Variants in CPED1 observed in about 807,000 individuals in gnomAD.
The protein encoded by CPED1 is cadherin-like and PC-esterase domain-containing protein 1.
Under a neutral mutation model 128.2 loss-of-function variants are expected in CPED1, and 114 were observed. The ratio of observed to expected loss-of-function variants is 0.89; its 90% CI spans 0.76 to 1.04. The LOEUF is 1.04. Among genes scored for constraint, CPED1 ranks in the 50% least tolerant of loss-of-function variants. The probability of loss-of-function intolerance (pLI) is 0.00; values close to 1 mark genes in which losing one functional copy is unlikely to be tolerated. For missense variants in CPED1, 1,211 were observed against 1,207.1 expected, an observed-to-expected ratio of 1.00 and a Z score of -0.05; for synonymous variants, 462 against 426.7, an observed-to-expected ratio of 1.08 and a Z score of -1.02.
chr7:121,199,698 A>AGG (rs1797350803), intron 16 of CPED1, among the ~76,000 whole-genome samples: 1 of 77,538 alleles, frequency 1.3e-5, no homozygotes, highest in Non-Finnish European at 2.9e-5. Context: ...AAAAAAAAAA[A>AGG]AAGAAAGAAA....
At chr7:121,186,036 C>T (rs529438376) in intron 16 of CPED1, among the ~76,000 whole-genome samples, 1 of 152,194 alleles carries the variant, frequency 6.6e-6, no homozygotes, top group Admixed American at 6.5e-5. Context: ...TAATTTTTTT[C>T]CACTGGCTAT....
chr7:121,099,985 T>G lies in CPED1; in HGVS notation c.809T>G (p.Val270Gly). ...ETIFRAEDLS[V>G]ILKAYVLVTS... ...ATCTTTCGAGCCGAAGATCTATCTG[T>G]GATTCTTAAAGCGTATGTGTTGGTG... The change falls in exon 7 of 23, where the codon GTG becomes GGG. Residue 270 changes from valine to glycine, a missense_variant. Coordinates refer to ENST00000310396, the MANE Select transcript of CPED1 (RefSeq NM_024913.5). 1 of 1,613,742 alleles carries G rather than the reference T, an allele frequency of 6.2e-7. No homozygotes were observed.
intron 17 of CPED1, among the ~76,000 whole-genome samples, chr7:121,238,842 C>T (rs1798321714): frequency 1.3e-5 from 2 of 151,860 alleles, no homozygotes; most frequent in South Asian, 4.2e-4. Flanking sequence ...AGATTATAGG[C>T]TTCTCTAGAG....
intron 4 of CPED1, among the ~76,000 whole-genome samples, chr7:121,063,794 TTGAAG>T (rs59071975): frequency 0.039 from 5,864 of 152,220 alleles, 358 homozygotes; most frequent in African/African-American, 0.13. Context: ...CAAGTTTTGG[TTGAAG>T]TGAAGTTTTG....
chr7:121,024,118 C>T (rs939148548), intron 3 of CPED1, among the ~76,000 whole-genome samples: 2 of 152,082 alleles, frequency 1.3e-5, no homozygotes, highest in Admixed American at 1.3e-4. Context: ...TTATTTTCCT[C>T]AGTGCTTATA....
At chr7:121,293,635 C>T (rs991071258) in intron 22 of CPED1, among the ~76,000 whole-genome samples, 8 of 152,116 alleles carry the variant, frequency 5.3e-5, no homozygotes, top group African/African-American at 1.2e-4. Flanking sequence ...GCCCTGGTGG[C>T]GTCGGCACCC....
chr7:121,202,108 T>G (rs1295959922), intron 16 of CPED1, among the ~76,000 whole-genome samples: 2 of 152,158 alleles, frequency 1.3e-5, no homozygotes, highest in African/African-American at 4.8e-5. Flanking sequence ...TTAATTCTAC[T>G]CTCAGTAAGC....
intron 7 of CPED1, among the ~76,000 whole-genome samples, chr7:121,113,367 C>A (rs1031777961): frequency 2.0e-5 from 3 of 152,100 alleles, no homozygotes; most frequent in Non-Finnish European, 4.4e-5. Flanking sequence ...GAATGCAAGG[C>A]ATGACTCAGA....
intron 22 of CPED1, among the ~76,000 whole-genome samples, chr7:121,285,014 G>T (rs1792537676): frequency 6.6e-6 from 1 of 152,194 alleles, no homozygotes; most frequent in South Asian, 2.1e-4. Flanking sequence ...CGCCCCTGCA[G>T]CAAACTTCTG....
At chr7:121,294,806 C>CAAAAAAAAAAAAAAAAAAAAA (rs752742828) in intron 22 of CPED1, among the ~76,000 whole-genome samples, 1 of 61,410 alleles carries the variant, frequency 1.6e-5, no homozygotes, top group Non-Finnish European at 3.5e-5. Context: ...GCCTTCTAAG[C>CAAAAAAAAAAAAAAAAAAAAA]AAAAAAAAAA....
chr7:121,047,694 C>T (rs1401749131), intron 4 of CPED1, among the ~76,000 whole-genome samples: 12 of 21,690 alleles, frequency 5.5e-4, no homozygotes, highest in South Asian at 1.4e-3. Context: ...TCTTCTTCTT[C>T]TTCTTCTTCT....
intron 16 of CPED1, among the ~76,000 whole-genome samples, chr7:121,229,464 TTCAAAA>T (rs1205424050): frequency 1.3e-5 from 2 of 151,614 alleles, no homozygotes; most frequent in Non-Finnish European, 2.9e-5. Flanking sequence ...AGAAAAAAGT[TTCAAAA>T]TCAAAATTAT....
intron 2 of CPED1, among the ~76,000 whole-genome samples, chr7:121,003,135 G>C (rs549049605): frequency 1.0e-3 from 156 of 152,176 alleles, no homozygotes; most frequent in African/African-American, 3.6e-3. Context: ...TTCTTCTTTC[G>C]TATTTTCCAT....
chr7:121,150,723 C>A (rs905860034), intron 16 of CPED1, among the ~76,000 whole-genome samples: 1 of 150,796 alleles, frequency 6.6e-6, no homozygotes, highest in Non-Finnish European at 1.5e-5. Context: ...TTTATAAGTC[C>A]TTTTCCCACA....
At chr7:121,279,377 C>T (rs1397016361) in intron 22 of CPED1, among the ~76,000 whole-genome samples, 2 of 151,984 alleles carry the variant, frequency 1.3e-5, no homozygotes, top group African/African-American at 4.8e-5. Context: ...TGACCACAAG[C>T]ATTTATCTTC....
chr7:120,994,444 A>G (rs1261442150), intron 2 of CPED1, among the ~76,000 whole-genome samples: 1 of 152,236 alleles, frequency 6.6e-6, no homozygotes, highest in African/African-American at 2.4e-5. Flanking sequence ...GAGACAGACA[A>G]GTAAATTAAC....
intron 3 of CPED1, among the ~76,000 whole-genome samples, chr7:121,040,067 G>A (rs1793010310): frequency 6.6e-6 from 1 of 152,008 alleles, no homozygotes; most frequent in Admixed American, 6.6e-5. Flanking sequence ...TTCATGGAGA[G>A]AATGGTTTAG....
intron 20 of CPED1, 68 bp from the exon 21 acceptor site, chr7:121,267,147 T>TA: frequency 1.2e-6 from 1 of 868,836 alleles, no homozygotes; most frequent in Non-Finnish European, 1.9e-6. Context: ...TATTTGTTTA[T>TA]ATAAACAACA....
chr7:121,082,268 T>C (rs1321505058), intron 5 of CPED1, among the ~76,000 whole-genome samples: 1 of 152,178 alleles, frequency 6.6e-6, no homozygotes, highest in Non-Finnish European at 1.5e-5. Flanking sequence ...ATGAAAATAA[T>C]ATATAAGAGA....
Sources: gnomAD v4.1 joint callset for allele counts (sites outside exome capture counted in the v4.1 genomes callset) on GRCh38, gnomAD v4.1.1 for gene constraint, MANE v1.5 for transcripts, NCBI Gene and HGNC (gene_info 2026-07-23, HGNC 2026-07-21) for gene names.